Variants in BTBD7 observed in about 807,000 individuals in gnomAD.
BTBD7 encodes BTB domain containing 7, also known as BTB/POZ domain-containing protein 7.
In BTBD7, 38 loss-of-function variants were observed where a neutral mutation model predicts 99.9. The ratio of observed to expected loss-of-function variants is 0.38; its 90% CI spans 0.29 to 0.50. The LOEUF is 0.50. Among genes scored for constraint, BTBD7 ranks in the 20% least tolerant of loss-of-function variants. BTBD7 has a pLI of 0.93. For missense variants in BTBD7, 1,170 were observed against 1,394.6 expected, an observed-to-expected ratio of 0.84 and a Z score of 2.57; for synonymous variants, 520 against 511.4, an observed-to-expected ratio of 1.02 and a Z score of -0.23.
chr14:93,248,779 A>G (rs1363549116), intron 8 of BTBD7, 125 bp from the exon 9 acceptor site: 2 of 885,248 alleles, frequency 2.3e-6, no homozygotes, highest in Non-Finnish European at 3.3e-6. Context: ...ATAGTATCTT[A>G]ATTTCCTGGG....
chr14:93,312,511 A>G (rs1020491723), intron 1 of BTBD7, among the ~76,000 whole-genome samples: 7 of 152,216 alleles, frequency 4.6e-5, no homozygotes, highest in Non-Finnish European at 1.0e-4. Context: ...ATATCCTTAG[A>G]ATGACTTTGT....
Position 93,242,294 on chromosome 14 carries a change from G to A in BTBD7, c.3378C>T (p.Leu1126=). 6.2e-7 allele frequency: 1 copy of A among 1,613,660 alleles called. No homozygotes were observed. The highest frequency in any genetic ancestry group is 8.5e-7 in the Non-Finnish European group (1 of 1,179,654). ...GRRSPSKPDF[L]YKKSAL is the part of the protein sequence containing the mutation. ...GCTCTCAGAGGGCAGACTTTTTGTA[G>A]AGGAAGTCCGGCTTGCTTGGTGACC... Residue 1126 remains leucine (L), a synonymous_variant, in exon 11 of 11, where the codon CTC becomes CTT. Coordinates refer to ENST00000334746, the MANE Select transcript of BTBD7 (RefSeq NM_001002860.4).
chr14:93,251,933 T>A (rs2052371701), intron 7 of BTBD7, among the ~76,000 whole-genome samples: 1 of 152,158 alleles, frequency 6.6e-6, no homozygotes, highest in Non-Finnish European at 1.5e-5. Flanking sequence ...AGAAATAAAT[T>A]ACACACAATA....
rs2053074828 is a variant in BTBD7, at chr14:93,306,698, CAA to C, written c.-106-10543_-106-10542del. On this transcript the variant is annotated intron_variant, in intron 1 of 10. Coordinates refer to ENST00000334746, the MANE Select transcript of BTBD7 (RefSeq NM_001002860.4). ...GTAATGGTGCTTATTTCTTGAGGCG[CAA>C]AGTTATTTCTGGCATAACTTCACAT... Among the ~76,000 whole-genome samples the C allele has an allele frequency of 2.6e-5, 4 of 152,244 alleles. 1 individual carries two copies. In the South Asian group the frequency reaches 8.3e-4, roughly 32 times the overall value.
intron 9 of BTBD7, among the ~76,000 whole-genome samples, chr14:93,248,069 G>A (rs1225103237): frequency 6.6e-6 from 1 of 152,180 alleles, no homozygotes; most frequent in Non-Finnish European, 1.5e-5. Flanking sequence ...TGCCATCTCT[G>A]GGCATGCACA....
At chr14:93,318,336 A>G (rs1484834319) in intron 1 of BTBD7, among the ~76,000 whole-genome samples, 1 of 152,226 alleles carries the variant, frequency 6.6e-6, no homozygotes, top group East Asian at 1.9e-4. Flanking sequence ...ATGATTGGGA[A>G]GAGGCATGAG....
At chr14:93,308,361 C>T (rs1379603597) in intron 1 of BTBD7, among the ~76,000 whole-genome samples, 1 of 151,330 alleles carries the variant, frequency 6.6e-6, no homozygotes, top group Non-Finnish European at 1.5e-5. Context: ...CAGCAAAAAG[C>T]CTCATGGATC....
At chr14:93,292,813 A>G (rs1203796372) in intron 3 of BTBD7, among the ~76,000 whole-genome samples, 1 of 152,094 alleles carries the variant, frequency 6.6e-6, no homozygotes, top group Admixed American at 6.5e-5. Context: ...CACACCACTG[A>G]GACTGGCTTA....
chr14:93,294,484 G>A lies in BTBD7; in HGVS notation c.536C>T (p.Ala179Val). 6.2e-7 allele frequency: 1 copy of A among 1,614,084 alleles called. No homozygotes were observed. The highest frequency in any genetic ancestry group is 8.5e-7 in the Non-Finnish European group (1 of 1,180,024). ...TGTATTGATGTCCATTATTATCTCT[G>A]CCCCATACTCTGGTGAGGAAGAAAG... ...TLLSSSPEYG[A>V]EIIMDINTAG... The change falls in exon 3 of 11, where the codon GCA becomes GTA. Residue 179 changes from alanine (A) to valine (V), a missense_variant. Around this residue, in one of 4 missense-constraint regions of BTBD7, gnomAD observed 359 missense variants for 497.9 expected, o/e 0.72. Coordinates refer to ENST00000334746, the MANE Select transcript of BTBD7 (RefSeq NM_001002860.4).
chr14:93,282,453 C>G (rs1039393506), intron 3 of BTBD7, among the ~76,000 whole-genome samples: 1 of 151,896 alleles, frequency 6.6e-6, no homozygotes, highest in Non-Finnish European at 1.5e-5. Context: ...CTGCCTCAGA[C>G]TCCTGAGTAG....
intron 1 of BTBD7, among the ~76,000 whole-genome samples, chr14:93,313,381 T>C (rs2053160573): frequency 6.6e-6 from 1 of 152,250 alleles, no homozygotes; most frequent in Non-Finnish European, 1.5e-5. Flanking sequence ...TGAAGATTAG[T>C]TAGTTGTTAG....
intron 1 of BTBD7, among the ~76,000 whole-genome samples, chr14:93,313,984 G>A (rs1224549295): frequency 1.3e-5 from 2 of 151,794 alleles, no homozygotes; most frequent in African/African-American, 2.4e-5. Context: ...AGCCTCAAGT[G>A]ACCTTCCTGC....
At chr14:93,311,102 G>C (rs2053132290) in intron 1 of BTBD7, among the ~76,000 whole-genome samples, 1 of 151,988 alleles carries the variant, frequency 6.6e-6, no homozygotes, top group South Asian at 2.1e-4. Context: ...TAGCTTCCTA[G>C]CATCCTTAAA....
rs2052189962 is a variant in BTBD7 at position 93,238,869 on chromosome 14, A to T, written c.*3404T>A. ...AATGGCAACAACAAACCAAAACAAA[A>T]ATCCAATGAAGGATGGCAGATGCAA... On this transcript the variant is annotated 3_prime_UTR_variant, in exon 11 of 11. Transcript: ENST00000334746. 6.6e-6 allele frequency: 1 copy of T among 152,242 alleles called. No homozygotes were observed. The highest frequency in any genetic ancestry group is 2.4e-5 in the African/African-American group (1 of 41,462). 9.4% of individuals were successfully genotyped at this position (152,242 alleles called of 1,614,324 possible).
At position 93,253,736 on chromosome 14, in the gene BTBD7, C is replaced by T; in HGVS notation, c.1663G>A (p.Gly555Ser). ...PPSDMLPTTE[G>S]GKSNAWLRQK... is the part of the protein sequence containing the mutation. ...CGTAACCAGGCATTTGACTTCCCAC[C>T]TTCTGTTGTAGGAAGCATATCTGAT... The change falls in exon 7 of 11, where the codon GGT (glycine) becomes AGT (serine). Residue 555 changes from glycine to serine, a missense_variant. Coordinates refer to ENST00000334746, the MANE Select transcript of BTBD7 (RefSeq NM_001002860.4). The T allele has an allele frequency of 1.2e-6, 2 of 1,613,014 alleles. No individual in the cohort carries two copies. The highest frequency in any genetic ancestry group is 1.7e-6 in the Non-Finnish European group (2 of 1,179,304).
At chr14:93,308,010 T>A (rs1019686621) in intron 1 of BTBD7, among the ~76,000 whole-genome samples, 2 of 152,076 alleles carry the variant, frequency 1.3e-5, no homozygotes, top group African/African-American at 2.4e-5. Context: ...ATTAAAAAAT[T>A]GCGGCCGGGC....
intron 3 of BTBD7, among the ~76,000 whole-genome samples, chr14:93,289,507 G>A (rs2052821385): frequency 1.3e-5 from 2 of 152,108 alleles, no homozygotes; most frequent in Admixed American, 6.6e-5. Flanking sequence ...ATTACAGGCT[G>A]CTCCTCTGTT....
rs2052234867 is a variant in BTBD7, at chr14:93,241,907, T to C, written c.*366A>G. 1 of 249,750 alleles carries C rather than the reference T, an allele frequency of 4.0e-6. No individual in the cohort carries two copies. Among genetic ancestry groups the C allele is most frequent in the African/African-American group, 2.2e-5 (1 of 44,646 alleles). The allele number at this position is 249,750 out of a possible 1,614,324, so 15.5% of individuals were successfully genotyped here. ...AATGCAAAAAAGTATGAAAATACAG[T>C]CCTTTAAATGTGGCAATAAAGTTTA... is the stretch of plus-strand genomic sequence containing the variant. On this transcript the variant is annotated 3_prime_UTR_variant, in exon 11 of 11. Coordinates refer to ENST00000334746, the MANE Select transcript of BTBD7 (RefSeq NM_001002860.4).
In BTBD7 at chr14:93,332,838, CGCTGCTGCTGCCGCT is replaced by C; in HGVS notation, c.-140_-126del. ...CACTCACCCCGGAGGCTCCTCCCGC[CGCTGCTGCTGCCGCT>C]GGGACCGCTGCCGTCGCCTCCGCCG... On this transcript the variant is annotated 5_prime_UTR_variant, in exon 1 of 11. Transcript: ENST00000334746. 1.4e-6 allele frequency: 2 copies of C among 1,478,952 alleles called. No individual in the cohort carries two copies. Among genetic ancestry groups the C allele is most frequent in the Non-Finnish European group, 1.8e-6 (2 of 1,121,132 alleles). The allele number at this position is 1,478,952 out of a possible 1,614,324, so 91.6% of individuals were successfully genotyped here. A position where few individuals can be genotyped will look rare whatever the true frequency, so the allele number is the denominator to read the frequency against.
Sources: gnomAD v4.1 joint callset for allele counts (sites outside exome capture counted in the v4.1 genomes callset) on GRCh38, gnomAD v4.1.1 for gene constraint, gnomAD v4.1.1 regional missense constraint, MANE v1.5 for transcripts, NCBI Gene and HGNC (gene_info 2026-07-23, HGNC 2026-07-21) for gene names.